Variants in DOK6 observed in about 807,000 individuals in gnomAD.
DOK6 encodes downstream of tyrosine kinase 6.
Under a neutral mutation model 44.0 loss-of-function variants are expected in DOK6, and 22 were observed. The observed-to-expected ratio is 0.50, with a 90% CI of 0.36 to 0.71. The LOEUF (loss-of-function observed/expected upper bound fraction) is 0.71, where lower values mean the gene tolerates loss of function less well. Ranked by LOEUF, DOK6 falls within the 30% of genes least tolerant of loss-of-function variation. The pLI is 0.00. For missense variants in DOK6, 340 were observed against 416.4 expected, an observed-to-expected ratio of 0.82 and a Z score of 1.60; for synonymous variants, 166 against 145.5, an observed-to-expected ratio of 1.14 and a Z score of -1.01.
intron 1 of DOK6, among the ~76,000 whole-genome samples, chr18:69,557,863 G>C (rs960026585): frequency 8.5e-5 from 13 of 152,088 alleles, no homozygotes; most frequent in Admixed American, 5.2e-4. Flanking sequence ...AGGTTCTGTT[G>C]TTAACCAGCC....
intron 2 of DOK6, among the ~76,000 whole-genome samples, chr18:69,567,476 C>CA (rs905023295): frequency 3.2e-4 from 47 of 145,680 alleles, no homozygotes; most frequent in East Asian, 7.9e-4. Flanking sequence ...AAACCATTAC[C>CA]AAAAAAAAAA....
chr18:69,418,797 G>A (rs1307417014), intron 1 of DOK6, among the ~76,000 whole-genome samples: 1 of 151,806 alleles, frequency 6.6e-6, no homozygotes, highest in Non-Finnish European at 1.5e-5. Flanking sequence ...AAACATAAAG[G>A]GAATATTTAT....
At chr18:69,564,399 AC>A in intron 1 of DOK6, 87 bp from the exon 2 acceptor site, 2 of 1,074,468 alleles carry the variant, frequency 1.9e-6, no homozygotes. Flanking sequence ...TCTGAAGTAC[AC>A]TTAAAAAATT....
intron 3 of DOK6, among the ~76,000 whole-genome samples, chr18:69,672,544 TTC>T (rs1985825401): frequency 7.2e-5 from 11 of 151,740 alleles, no homozygotes; most frequent in African/African-American, 2.4e-4. Flanking sequence ...TTTTAGTAGA[TTC>T]GGGGTTTCGC....
At chr18:69,555,863 T>C (rs1328099508) in intron 1 of DOK6, among the ~76,000 whole-genome samples, 1 of 152,234 alleles carries the variant, frequency 6.6e-6, no homozygotes, top group Non-Finnish European at 1.5e-5. Context: ...TCCTGATTTG[T>C]TAGCAGATAC....
At chr18:69,623,865 C>A (rs1984498326) in intron 3 of DOK6, among the ~76,000 whole-genome samples, 1 of 152,128 alleles carries the variant, frequency 6.6e-6, no homozygotes, top group Non-Finnish European at 1.5e-5. Context: ...GAGTATTACC[C>A]AGAACCTCTA....
chr18:69,428,363 G>T (rs1374975744), intron 1 of DOK6, among the ~76,000 whole-genome samples: 2 of 152,102 alleles, frequency 1.3e-5, no homozygotes, highest in African/African-American at 4.8e-5. Context: ...TTCATTCCAT[G>T]ATACAGATTT....
Position 69,772,212 on chromosome 18 carries a change from A to G in DOK6, c.856+14339A>G, listed in dbSNP as rs948059647. Among the ~76,000 whole-genome samples, 7 of 151,978 alleles carry G rather than the reference A, an allele frequency of 4.6e-5. No homozygotes were observed. The East Asian group carries it at 1.4e-3, about 29-fold the overall frequency. ...AAACAAATATTGAGGAAAGAAAGTAAAATAGATACAAATAAGTGGAAAGAC... is the reference window on the plus strand; with the variant it reads ...AAACAAATATTGAGGAAAGAAAGTAGAATAGATACAAATAAGTGGAAAGAC... On this transcript the variant is annotated intron_variant, in intron 7 of 7. Transcript: ENST00000382713.
intron 3 of DOK6, among the ~76,000 whole-genome samples, chr18:69,620,455 T>C (rs747663323): frequency 6.6e-6 from 1 of 152,188 alleles, no homozygotes; most frequent in Admixed American, 6.6e-5. Context: ...CCTTTAAGCA[T>C]TTAGTATGAT....
intron 3 of DOK6, among the ~76,000 whole-genome samples, chr18:69,652,583 C>A (rs181947472): frequency 6.6e-6 from 1 of 152,206 alleles, no homozygotes; most frequent in South Asian, 2.1e-4. Flanking sequence ...ACCCACCACA[C>A]GCCTCTAAGC....
intron 1 of DOK6, among the ~76,000 whole-genome samples, chr18:69,528,785 G>T (rs147972934): frequency 1.3e-3 from 202 of 152,212 alleles, no homozygotes; most frequent in Non-Finnish European, 1.7e-3. Context: ...ATCTTGGTTC[G>T]AAACTATTTA....
intron 1 of DOK6, among the ~76,000 whole-genome samples, chr18:69,550,683 T>C (rs930622570): frequency 1.3e-5 from 2 of 152,220 alleles, no homozygotes; most frequent in Middle Eastern, 3.4e-3. Context: ...ACTTCATGTA[T>C]ATGAGAACAA....
intron 7 of DOK6, among the ~76,000 whole-genome samples, chr18:69,837,106 A>T (rs1004693659): frequency 1.3e-5 from 2 of 152,160 alleles, no homozygotes; most frequent in Non-Finnish European, 2.9e-5. Context: ...CTTGAGGGGG[A>T]GAATATTCTA....
intron 1 of DOK6, among the ~76,000 whole-genome samples, chr18:69,431,287 T>C (rs1040822619): frequency 1.3e-5 from 2 of 152,204 alleles, no homozygotes; most frequent in South Asian, 4.1e-4. Context: ...CCTTGGAAAC[T>C]ACAGAGTTGA....
chr18:69,608,890 C>T (rs1984065782), intron 3 of DOK6, among the ~76,000 whole-genome samples: 1 of 141,468 alleles, frequency 7.1e-6, no homozygotes, highest in African/African-American at 2.6e-5. Flanking sequence ...GTGGAGGTTG[C>T]AGTGAGCCGA....
chr18:69,644,230 C>T (rs1468830812), intron 3 of DOK6, among the ~76,000 whole-genome samples: 2 of 152,106 alleles, frequency 1.3e-5, no homozygotes, highest in Non-Finnish European at 2.9e-5. Flanking sequence ...ATCCTTTTCA[C>T]ATAGGTTTTT....
At chr18:69,748,661 A>G (rs904773707) in intron 6 of DOK6, among the ~76,000 whole-genome samples, 2 of 152,170 alleles carry the variant, frequency 1.3e-5, no homozygotes, top group East Asian at 3.9e-4. Flanking sequence ...CAAACAACAG[A>G]TGCTGGCAAG....
chr18:69,781,920 A>G (rs1980280515), intron 7 of DOK6, among the ~76,000 whole-genome samples: 1 of 152,152 alleles, frequency 6.6e-6, no homozygotes, highest in African/African-American at 2.4e-5. Flanking sequence ...CAAAAGAGAG[A>G]TTTCATTAAA....
chr18:69,490,224 C>T lies in DOK6; in HGVS notation c.67-74263C>T, dbSNP rs140287392. ...TTCTGACTTCTTCTCAGTGGTGAAACGCCAGACCTCACAAGGATATCATTA... is the reference window on the plus strand; with the variant it reads ...TTCTGACTTCTTCTCAGTGGTGAAATGCCAGACCTCACAAGGATATCATTA... On this transcript the variant is annotated intron_variant, in intron 1 of 7. Coordinates refer to ENST00000382713, the MANE Select transcript of DOK6 (RefSeq NM_152721.6). Among the ~76,000 whole-genome samples, 102 of 152,212 alleles carry T rather than the reference C, an allele frequency of 6.7e-4. 1 individual carries two copies. The highest frequency in any genetic ancestry group is 2.2e-3 in the African/African-American group (90 of 41,544).
Sources: gnomAD v4.1 joint callset for allele counts (sites outside exome capture counted in the v4.1 genomes callset) on GRCh38, gnomAD v4.1.1 for gene constraint, MANE v1.5 for transcripts, NCBI Gene and HGNC (gene_info 2026-07-23, HGNC 2026-07-21) for gene names.